The following SLC9C2 variants were observed in gnomAD, a reference collection of about 807,000 sequenced individuals.
The protein encoded by SLC9C2 is sodium/hydrogen exchanger 11.
A neutral mutation model predicts 140.2 loss-of-function variants in SLC9C2; 75 were observed. That is an observed-to-expected ratio of 0.53 (90% CI 0.44 to 0.65). The LOEUF (loss-of-function observed/expected upper bound fraction) is 0.65, where lower values mean the gene tolerates loss of function less well. SLC9C2 is among the 30% of genes least tolerant of loss of function. The pLI, the probability that SLC9C2 is intolerant of heterozygous loss-of-function variation, is 0.00. For synonymous variants in SLC9C2, 375 were observed against 420.9 expected (o/e 0.89, Z 1.34); for missense variants, 1,074 against 1,331.8 (o/e 0.81, Z 3.01).
At chr1:173,556,669 T>C (rs1385506358) in intron 10 of SLC9C2, among the ~76,000 whole-genome samples, 1 of 151,962 alleles carries the variant, frequency 6.6e-6, no homozygotes, top group East Asian at 1.9e-4. Context: ...ATCCCAGCAC[T>C]TTGAGTGGAG....
chr1:173,551,019 T>G (rs116878801), intron 11 of SLC9C2, among the ~76,000 whole-genome samples: 1 of 151,844 alleles, frequency 6.6e-6, no homozygotes, highest in African/African-American at 2.4e-5. Context: ...CACTCAAACA[T>G]TGGAGCCCTT....
intron 21 of SLC9C2, among the ~76,000 whole-genome samples, chr1:173,523,044 G>T (rs984761043): frequency 1.3e-5 from 2 of 152,096 alleles, no homozygotes; most frequent in Non-Finnish European, 2.9e-5. Context: ...TGTGTTTATT[G>T]TCTGTCTCCA....
At chr1:173,509,506 A>G in intron 24 of SLC9C2, 62 bp downstream of exon 24, 2 of 1,392,834 alleles carry the variant, frequency 1.4e-6, no homozygotes, top group Non-Finnish European at 1.9e-6. Flanking sequence ...TATGAAATGC[A>G]TTTTGTAAAA....
intron 6 of SLC9C2, among the ~76,000 whole-genome samples, chr1:173,582,483 C>T (rs549505953): frequency 5.9e-5 from 9 of 152,192 alleles, no homozygotes; most frequent in African/African-American, 2.2e-4. Context: ...TAACTGGGGG[C>T]ACTAGTGGCA....
intron 18 of SLC9C2, among the ~76,000 whole-genome samples, chr1:173,529,299 A>C (rs1661405266): frequency 6.6e-6 from 1 of 152,178 alleles, no homozygotes; most frequent in Admixed American, 6.5e-5. Context: ...GAGAGCAGTC[A>C]CGTTCCACTT....
At position 173,587,807 on chromosome 1, in the gene SLC9C2, G is replaced by T. The variant is rs1346275410; in HGVS notation, c.381C>A (p.Ser127Arg). The change falls in exon 5 of 28, where the codon AGC becomes AGA. Residue 127 changes from serine (S) to arginine (R), a missense_variant. Physicochemically the swap from Ser to Arg is moderately radical, Grantham distance 110 (BLOSUM62 -1). Transcript: ENST00000367714. ...FWQVLLTGLI[S>R]FSTASIIIGY... ...CAATTATGATGCTTGCTGTAGAAAA[G>T]CTAATTAATCCAGTTAACAAGACCT... The T allele has an allele frequency of 2.5e-6, 4 of 1,612,458 alleles. No homozygotes were observed. The highest frequency in any genetic ancestry group is 3.4e-6 in the Non-Finnish European group (4 of 1,179,280).
chr1:173,556,999 T>G (rs1204144489), intron 10 of SLC9C2, among the ~76,000 whole-genome samples: 5 of 152,042 alleles, frequency 3.3e-5, no homozygotes, highest in Admixed American at 6.5e-5. Flanking sequence ...GAGCATTTAT[T>G]AAGTGTCTGG....
chr1:173,527,750 A>G (rs1661308058), intron 18 of SLC9C2, among the ~76,000 whole-genome samples: 1 of 152,240 alleles, frequency 6.6e-6, no homozygotes, highest in Non-Finnish European at 1.5e-5. Context: ...AATGCATGGC[A>G]TAGTGCTCTT....
chr1:173,533,824 T>C, intron 16 of SLC9C2, 27 bp from the exon 17 acceptor site: 2 of 1,583,188 alleles, frequency 1.3e-6, no homozygotes, highest in Non-Finnish European at 8.6e-7. Flanking sequence ...TGTCATTTCA[T>C]AGCACCTATA....
At chr1:173,548,653 C>T (rs1461535542) in intron 11 of SLC9C2, 101 bp from the exon 12 acceptor site, 2 of 1,297,152 alleles carry the variant, frequency 1.5e-6, no homozygotes, top group Admixed American at 1.9e-5. Context: ...CTTGAGATCA[C>T]CTGCAAACCA....
At chr1:173,591,373 G>C (rs1666151551) in intron 4 of SLC9C2, among the ~76,000 whole-genome samples, 1 of 152,008 alleles carries the variant, frequency 6.6e-6, no homozygotes, top group South Asian at 2.1e-4. Flanking sequence ...ATGATTTATA[G>C]TCCTTTGGGT....
rs1336090153 is a variant in SLC9C2, at chr1:173,584,133, T to C, written c.524-511A>G. On this transcript the variant is annotated intron_variant, in intron 5 of 27. Transcript: ENST00000367714. Reference sequence around the variant, plus strand: ...ATCAGCTGATAAATGAATAAATATATGTGATATATCCCTAAAATGAAGTAT... The same window carrying C: ...ATCAGCTGATAAATGAATAAATATACGTGATATATCCCTAAAATGAAGTAT... 2.0e-5 allele frequency among the ~76,000 whole-genome samples: 3 copies of C among 152,176 alleles called. No individual in the cohort carries two copies. In the South Asian group the frequency reaches 6.2e-4, roughly 31 times the overall value.
intron 21 of SLC9C2, among the ~76,000 whole-genome samples, chr1:173,522,936 A>G (rs1367834469): frequency 6.6e-6 from 1 of 152,198 alleles, no homozygotes; most frequent in Non-Finnish European, 1.5e-5. Flanking sequence ...TCACCTTATT[A>G]GAGCAGCCTT....
chr1:173,521,885 CA>C (rs58355008), intron 21 of SLC9C2, among the ~76,000 whole-genome samples: 1,628 of 76,874 alleles, frequency 0.021, 22 homozygotes, highest in African/African-American at 0.07. Flanking sequence ...GGGCGCTATG[CA>C]AAAAAAAAAA....
In SLC9C2 at chr1:173,501,033, A is replaced by T; in HGVS notation, c.*61T>A. On this transcript the variant is annotated 3_prime_UTR_variant, in exon 28 of 28. Coordinates refer to ENST00000367714, the MANE Select transcript of SLC9C2 (RefSeq NM_178527.4). ...AGCGAGGAAAGTAGTTTGGTCTTTA[A>T]CCTGACTCCACACATCATATTTGTA... is the stretch of plus-strand genomic sequence containing the variant. 6.9e-6 allele frequency: 10 copies of T among 1,443,914 alleles called. No homozygotes were observed. Among genetic ancestry groups the T allele is most frequent in the Non-Finnish European group, 9.1e-6 (10 of 1,094,966 alleles). The allele number at this position is 1,443,914 out of a possible 1,614,324, so 89.4% of individuals were successfully genotyped here. A position where few individuals can be genotyped will look rare whatever the true frequency, so the allele number is the denominator to read the frequency against.
chr1:173,534,846 T>C (rs1661828622), intron 15 of SLC9C2, among the ~76,000 whole-genome samples, 164 bp from the exon 16 acceptor site: 1 of 151,896 alleles, frequency 6.6e-6, no homozygotes, highest in African/African-American at 2.4e-5. Flanking sequence ...ATAAAAATCA[T>C]AATGAAGAAA....
intron 9 of SLC9C2, among the ~76,000 whole-genome samples, chr1:173,563,302 C>A (rs1664238478): frequency 6.6e-6 from 1 of 151,950 alleles, no homozygotes; most frequent in Non-Finnish European, 1.5e-5. Context: ...CTGATTTTAC[C>A]ACTTTTCCTT....
intron 19 of SLC9C2, among the ~76,000 whole-genome samples, chr1:173,526,424 C>A (rs1331065338): frequency 2.0e-5 from 3 of 152,190 alleles, no homozygotes; most frequent in African/African-American, 4.8e-5. Context: ...CAGGACTCTG[C>A]TAACTTTTTC....
chr1:173,509,096 T>G (rs759913922), intron 24 of SLC9C2, among the ~76,000 whole-genome samples: 1 of 152,060 alleles, frequency 6.6e-6, no homozygotes, highest in African/African-American at 2.4e-5. Context: ...ATTGACAACC[T>G]GTAGGAACTC....
Sources: allele counts gnomAD v4.1 joint callset (sites outside exome capture counted in the v4.1 genomes callset), GRCh38; gene constraint gnomAD v4.1.1; transcripts MANE v1.5; gene names NCBI Gene and HGNC (gene_info 2026-07-23, HGNC 2026-07-21).